Variants in LMO7 observed in about 807,000 individuals in gnomAD.
LMO7 encodes the protein LIM domain only protein 7.
A neutral mutation model predicts 206.5 loss-of-function variants in LMO7; 120 were observed. The ratio of observed to expected loss-of-function variants is 0.58; its 90% CI spans 0.50 to 0.68. The LOEUF is 0.68. Ranked by LOEUF, LMO7 falls within the 30% of genes least tolerant of loss-of-function variation. The probability of loss-of-function intolerance (pLI) is 0.00; values close to 1 mark genes in which losing one functional copy is unlikely to be tolerated. For missense variants in LMO7, 1,959 were observed against 1,957.9 expected (o/e 1.00, Z -0.01); for synonymous variants, 706 against 681.5 (o/e 1.04, Z -0.56).
rs539466794 is a variant in LMO7, at chr13:75,824,818, A to AGT, written c.2949+956_2949+957dup. Among the ~76,000 whole-genome samples the AGT allele has an allele frequency of 1.1e-3, 167 of 151,686 alleles. 2 individuals carry two copies. The highest frequency in any genetic ancestry group is 6.7e-3 in the South Asian group (32 of 4,788). ...TTGTCCTAAGTTATATTAGTATTAG[A>AGT]GTGTGTGTGTGTATATATATTTATA... On this transcript the variant is annotated intron_variant, in intron 15 of 30. Coordinates refer to ENST00000377534, the MANE Select transcript of LMO7 (RefSeq NM_001306080.2).
At chr13:75,751,403 G>A (rs1378684473) in intron 3 of LMO7, among the ~76,000 whole-genome samples, 3 of 151,832 alleles carry the variant, frequency 2.0e-5, no homozygotes, top group African/African-American at 7.3e-5. Flanking sequence ...CTTGTGATCT[G>A]TCCCGCTCAG....
At chr13:75,849,658 T>A (rs1022043887) in intron 27 of LMO7, among the ~76,000 whole-genome samples, 11 of 152,130 alleles carry the variant, frequency 7.2e-5, no homozygotes, top group South Asian at 4.1e-4. Flanking sequence ...CTGCTGAACT[T>A]CAACAAATAG....
Position 75,790,002 on chromosome 13 carries a change from C to G in LMO7, c.318-5399C>G, listed in dbSNP as rs554711218. 4.1e-4 allele frequency among the ~76,000 whole-genome samples: 62 copies of G among 152,252 alleles called. No homozygotes were observed. The South Asian group carries it at 0.013, about 31-fold the overall frequency. On this transcript the variant is annotated intron_variant, in intron 4 of 30. Transcript: ENST00000377534. ...GTGGGGAGGGCTGGCTTGGGGCCAA[C>G]ATGGAAGTTTGGACAATGCTAATAA...
chr13:75,663,060 A>G (rs1035190816), intron 1 of LMO7, among the ~76,000 whole-genome samples: 2 of 152,134 alleles, frequency 1.3e-5, no homozygotes, highest in Non-Finnish European at 2.9e-5. Context: ...TTTTAATCCC[A>G]ATATTACTTA....
intron 2 of LMO7, chr13:75,628,494 G>A (rs1167737709): frequency 3.3e-5 from 5 of 152,150 alleles, no homozygotes; most frequent in African/African-American, 4.8e-5. Context: ...ACTGAAGGAT[G>A]TATTTTTTGT....
At chr13:75,775,286 C>A (rs1232792634) in intron 4 of LMO7, among the ~76,000 whole-genome samples, 4 of 151,846 alleles carry the variant, frequency 2.6e-5, no homozygotes, top group African/African-American at 9.7e-5. Context: ...AACCACACTT[C>A]TCACCGTATA....
At chr13:75,655,319 A>G (rs1361763534) in intron 1 of LMO7, among the ~76,000 whole-genome samples, 2 of 152,132 alleles carry the variant, frequency 1.3e-5, no homozygotes, top group Non-Finnish European at 2.9e-5. Context: ...CATTTCCAGC[A>G]TTGTAGATGA....
chr13:75,662,950 G>A (rs757614525), intron 1 of LMO7, among the ~76,000 whole-genome samples: 6 of 152,148 alleles, frequency 3.9e-5, no homozygotes, highest in Non-Finnish European at 5.9e-5. Flanking sequence ...TGTTAGGAAT[G>A]GCAGATGAAA....
intron 11 of LMO7, among the ~76,000 whole-genome samples, chr13:75,810,533 G>A (rs1042855166): frequency 7.2e-5 from 11 of 152,200 alleles, no homozygotes; most frequent in African/African-American, 1.9e-4. Flanking sequence ...CACATTATCC[G>A]CTTTCCAGCT....
intron 6 of LMO7, among the ~76,000 whole-genome samples, chr13:75,797,711 A>C (rs1178836696): frequency 7.9e-5 from 12 of 152,170 alleles, no homozygotes; most frequent in Non-Finnish European, 1.6e-4. Context: ...CTGATCTTTA[A>C]ATAATTTTGC....
intron 1 of LMO7, among the ~76,000 whole-genome samples, chr13:75,654,255 A>G (rs1442116143): frequency 6.6e-6 from 1 of 152,246 alleles, no homozygotes; most frequent in Non-Finnish European, 1.5e-5. Flanking sequence ...TGAATGGCCA[A>G]AAAGGTTTGA....
At chr13:75,743,088 A>T (rs1182057482) in intron 3 of LMO7, among the ~76,000 whole-genome samples, 1 of 152,220 alleles carries the variant, frequency 6.6e-6, no homozygotes, top group East Asian at 1.9e-4. Context: ...AAAAGAAGAC[A>T]TATATGCAGC....
chr13:75,620,723 T>C (rs1391041064), exon 1 of LMO7: 2 of 152,182 alleles, frequency 1.3e-5, no homozygotes, highest in African/African-American at 4.8e-5. Flanking sequence ...GATATAACTT[T>C]TTAAGAAAGA....
intron 4 of LMO7, among the ~76,000 whole-genome samples, chr13:75,777,213 A>G (rs1290272553): frequency 1.3e-5 from 2 of 152,208 alleles, no homozygotes; most frequent in African/African-American, 2.4e-5. Flanking sequence ...GAAACTGTCT[A>G]TATGAATGGT....
intron 3 of LMO7, among the ~76,000 whole-genome samples, chr13:75,733,909 C>T (rs374502976): frequency 1.5e-4 from 23 of 152,342 alleles, no homozygotes; most frequent in Admixed American, 9.1e-4. Context: ...GCCCTGTGTG[C>T]GCTGTTTGCT....
At chr13:75,804,681 T>C in intron 8 of LMO7, 140 bp downstream of exon 8, 1 of 1,172,614 alleles carries the variant, frequency 8.5e-7, no homozygotes, top group Non-Finnish European at 1.2e-6. Context: ...TTTTCATCCC[T>C]CTATTTTTAG....
At chr13:75,832,251 C>G (rs1006739801) in intron 15 of LMO7, among the ~76,000 whole-genome samples, 1 of 152,080 alleles carries the variant, frequency 6.6e-6, no homozygotes, top group Admixed American at 6.6e-5. Context: ...TAGAAAATAA[C>G]TTAAGTTCCA....
chr13:75,834,988 G>A (rs2059001132), intron 17 of LMO7, among the ~76,000 whole-genome samples: 1 of 152,094 alleles, frequency 6.6e-6, no homozygotes, highest in Admixed American at 6.6e-5. Flanking sequence ...TTGGGAAGGT[G>A]GTCTGTTGGT....
intron 3 of LMO7, among the ~76,000 whole-genome samples, chr13:75,744,060 T>C (rs1217694232): frequency 6.6e-6 from 1 of 152,210 alleles, no homozygotes; most frequent in Non-Finnish European, 1.5e-5. Context: ...AATATCTGAA[T>C]GCCTTAACCC....
Sources: allele counts gnomAD v4.1 joint callset (sites outside exome capture counted in the v4.1 genomes callset), GRCh38; gene constraint gnomAD v4.1.1; transcripts MANE v1.5; gene names NCBI Gene and HGNC (gene_info 2026-07-23, HGNC 2026-07-21).